Variants in PIEZO2 observed in about 807,000 individuals in gnomAD.
PIEZO2 encodes piezo-type mechanosensitive ion channel component 2.
A neutral mutation model predicts 337.3 loss-of-function variants in PIEZO2; 172 were observed. The observed-to-expected ratio is 0.51, with a 90% CI of 0.45 to 0.58. The LOEUF is 0.58. PIEZO2 is among the 20% of genes least tolerant of loss of function. PIEZO2 has a pLI of 0.00. For synonymous variants in PIEZO2, 1,251 were observed against 1,228.5 expected (o/e 1.02, Z -0.38); for missense variants, 3,028 against 3,391.3 (o/e 0.89, Z 2.66).
At chr18:10,762,104 C>T (rs2038160159) in intron 23 of PIEZO2, among the ~76,000 whole-genome samples, 1 of 152,168 alleles carries the variant, frequency 6.6e-6, no homozygotes, top group Non-Finnish European at 1.5e-5. Flanking sequence ...ATTTGGTATA[C>T]TTTACTTAAT....
rs188802980 is a variant in PIEZO2, at chr18:11,127,741, G to A, written c.64+20784C>T. ...TATATACACACATATATATGTATGT[G>A]TATATATATGACATATATAGGTATA... On this transcript the variant is annotated intron_variant, in intron 1 of 55. Transcript: ENST00000674853. This position sits in a 1 kb window ranked among gnomAD's most constrained non-coding sequence, Gnocchi z 4.5. Among the ~76,000 whole-genome samples the A allele has an allele frequency of 6.6e-6, 1 of 150,644 alleles. No homozygotes were observed. The highest frequency in any genetic ancestry group is 2.0e-4 in the East Asian group (1 of 5,124).
rs1440075994 is a variant in PIEZO2 at position 10,872,234 on chromosome 18, A to G, written c.330-819T>C. Among the ~76,000 whole-genome samples, 1 of 152,182 alleles carries G rather than the reference A, an allele frequency of 6.6e-6. No individual in the cohort carries two copies. The highest frequency in any genetic ancestry group is 1.5e-5 in the Non-Finnish European group (1 of 68,040). Reference sequence around the variant, plus strand: ...AGCAGCATCAATTGACACTTAGATAATTTTCACACATATAGGGCATTTTTG... The same window carrying G: ...AGCAGCATCAATTGACACTTAGATAGTTTTCACACATATAGGGCATTTTTG... On this transcript the variant is annotated intron_variant, in intron 4 of 55. Coordinates refer to ENST00000674853, the MANE Select transcript of PIEZO2 (RefSeq NM_001378183.1). The surrounding 1 kb of genome is among the most constrained non-coding windows in gnomAD (Gnocchi z 4.3).
chr18:10,740,430 A>G (rs1486278937), intron 33 of PIEZO2: 1 of 152,490 alleles, frequency 6.6e-6, no homozygotes, highest in African/African-American at 2.4e-5. Context: ...CCTTTTTGAA[A>G]TTGGGGAGGA....
intron 4 of PIEZO2, among the ~76,000 whole-genome samples, chr18:10,890,172 GC>G (rs2042715150): frequency 6.6e-6 from 1 of 152,222 alleles, no homozygotes; most frequent in Non-Finnish European, 1.5e-5. Flanking sequence ...TTAAACTACA[GC>G]CCATACAGGG....
chr18:10,848,064 C>G (rs369991529), intron 7 of PIEZO2, among the ~76,000 whole-genome samples: 2 of 152,256 alleles, frequency 1.3e-5, no homozygotes, highest in East Asian at 1.9e-4. Flanking sequence ...TTCAGATCAC[C>G]CCAATGCAAG....
chr18:10,851,032 C>G (rs1354041449), intron 7 of PIEZO2, among the ~76,000 whole-genome samples: 2 of 152,098 alleles, frequency 1.3e-5, no homozygotes, highest in Non-Finnish European at 2.9e-5. Flanking sequence ...GGAAGTGAGA[C>G]AGAAGGGCTG....
rs1353826875 is a variant in PIEZO2, at chr18:11,069,649, C to T, written c.65-3427G>A. On this transcript the variant is annotated intron_variant, in intron 1 of 55. Transcript: ENST00000674853. This position sits in a 1 kb window ranked among gnomAD's most constrained non-coding sequence, Gnocchi z 4.9. ...GATGCCTACTCTTGACACTTCCATT[C>T]AATGTGGTACGGGAAGTCCTAGGCA... is the stretch of plus-strand genomic sequence containing the variant. Among the ~76,000 whole-genome samples, 1 of 152,104 alleles carries T rather than the reference C, an allele frequency of 6.6e-6. No individual in the cohort carries two copies. The highest frequency in any genetic ancestry group is 2.4e-5 in the African/African-American group (1 of 41,418).
chr18:10,698,247 G>T (rs1337339928), intron 44 of PIEZO2, among the ~76,000 whole-genome samples: 1 of 152,192 alleles, frequency 6.6e-6, no homozygotes, highest in East Asian at 1.9e-4. Flanking sequence ...GACATAATCT[G>T]CCAGTATCTG....
Position 10,696,558 on chromosome 18 carries a change from C to A in PIEZO2, c.6828-19G>T. ...CAGCGTCCTGCAAAATGGAGACCCCCACCCCCAACCCACTTGTTTCAGGAA... is the reference window on the plus strand; with the variant it reads ...CAGCGTCCTGCAAAATGGAGACCCCAACCCCCAACCCACTTGTTTCAGGAA... On this transcript the variant is annotated intron_variant, in intron 45 of 55. Transcript: ENST00000674853. The A allele has an allele frequency of 6.2e-7, 1 of 1,612,282 alleles. No individual in the cohort carries two copies. The highest frequency in any genetic ancestry group is 1.3e-5 in the African/African-American group (1 of 74,986).
chr18:10,884,475 GA>G (rs563321991), intron 4 of PIEZO2, among the ~76,000 whole-genome samples: 15 of 152,230 alleles, frequency 9.9e-5, no homozygotes, highest in South Asian at 2.1e-4. Context: ...TGACAAAGGG[GA>G]AAATTCCACC....
chr18:11,093,710 C>G (rs1460017269), intron 1 of PIEZO2, among the ~76,000 whole-genome samples: 2 of 151,542 alleles, frequency 1.3e-5, no homozygotes, highest in Non-Finnish European at 1.5e-5. Context: ...CCTCAGGCTC[C>G]CGAGTAGCTC....
At chr18:10,923,369 G>T (rs2031538856) in intron 3 of PIEZO2, among the ~76,000 whole-genome samples, 1 of 152,190 alleles carries the variant, frequency 6.6e-6, no homozygotes, top group Non-Finnish European at 1.5e-5. Context: ...ACTAGAAAGT[G>T]AGAATTGTTA....
At chr18:11,043,261 A>G (rs2037187580) in intron 2 of PIEZO2, among the ~76,000 whole-genome samples, 1 of 152,090 alleles carries the variant, frequency 6.6e-6, no homozygotes, top group South Asian at 2.1e-4. Context: ...ACACACACAC[A>G]CACACACACA....
intron 3 of PIEZO2, among the ~76,000 whole-genome samples, chr18:10,939,818 G>A (rs964089643): frequency 2.0e-5 from 3 of 152,080 alleles, no homozygotes; most frequent in African/African-American, 7.2e-5. Flanking sequence ...CCTAATGCAT[G>A]GGGAGCTTAA....
At chr18:10,997,229 C>T (rs1296089294) in intron 2 of PIEZO2, among the ~76,000 whole-genome samples, 1 of 148,728 alleles carries the variant, frequency 6.7e-6, no homozygotes, top group East Asian at 2.0e-4. Flanking sequence ...TGAGACCAAC[C>T]AGATTGACTG....
chr18:10,882,770 T>G (rs1472350435), intron 4 of PIEZO2, among the ~76,000 whole-genome samples: 2 of 151,742 alleles, frequency 1.3e-5, no homozygotes, highest in African/African-American at 4.8e-5. Context: ...AATTCTATCC[T>G]GACAAGATTT....
At chr18:10,792,634 A>G (rs1254312333) in intron 13 of PIEZO2, among the ~76,000 whole-genome samples, 1 of 151,944 alleles carries the variant, frequency 6.6e-6, no homozygotes, top group Non-Finnish European at 1.5e-5. Flanking sequence ...ACCCAATAAT[A>G]CTCCATTGTA....
At chr18:10,785,747 AG>A in intron 16 of PIEZO2, among the ~76,000 whole-genome samples, 1 of 152,226 alleles carries the variant, frequency 6.6e-6, no homozygotes, top group South Asian at 2.1e-4. Context: ...CACCAAATCT[AG>A]GGGAAGCTCC....
At chr18:10,770,035 G>T in intron 21 of PIEZO2, 113 bp downstream of exon 21, 1 of 1,143,456 alleles carries the variant, frequency 8.7e-7, no homozygotes, top group Non-Finnish European at 1.2e-6. Flanking sequence ...TTGGAGTCTT[G>T]ATACTCCGAT....
Sources: gnomAD v4.1 joint callset for allele counts (sites outside exome capture counted in the v4.1 genomes callset) on GRCh38, gnomAD v4.1.1 for gene constraint, Gnocchi (gnomAD v3.1) non-coding constraint, MANE v1.5 for transcripts, NCBI Gene and HGNC (gene_info 2026-07-23, HGNC 2026-07-21) for gene names.